Variants in ADAMTSL2 observed in about 807,000 individuals in gnomAD.
ADAMTSL2 encodes the protein ADAMTS like 2.
A neutral mutation model predicts 117.0 loss-of-function variants in ADAMTSL2; 55 were observed. That is an observed-to-expected ratio of 0.47 (90% confidence interval 0.38 to 0.59). The LOEUF (loss-of-function observed/expected upper bound fraction) is 0.59, where lower values mean the gene tolerates loss of function less well. Ranked by LOEUF, ADAMTSL2 falls within the 20% of genes least tolerant of loss-of-function variation. The probability of loss-of-function intolerance (pLI) is 0.00; values close to 1 mark genes in which losing one functional copy is unlikely to be tolerated. For synonymous variants in ADAMTSL2, 572 were observed against 566.4 expected, an observed-to-expected ratio of 1.01 and a Z score of -0.14; for missense variants, 1,182 against 1,354.5, an observed-to-expected ratio of 0.87 and a Z score of 2.00.
chr9:133,556,922 C>A (rs1403361113), intron 11 of ADAMTSL2, among the ~76,000 whole-genome samples: 4 of 152,220 alleles, frequency 2.6e-5, no homozygotes, highest in Non-Finnish European at 5.9e-5. Flanking sequence ...TTTCTCCCAG[C>A]AACTCACATG....
At chr9:133,553,743 G>A (rs930435814) in intron 9 of ADAMTSL2, among the ~76,000 whole-genome samples, 3 of 152,190 alleles carry the variant, frequency 2.0e-5, no homozygotes, top group Non-Finnish European at 4.4e-5. Flanking sequence ...TGGAATCTCT[G>A]GAAAAAGCAA....
intron 17 of ADAMTSL2, among the ~76,000 whole-genome samples, chr9:133,572,172 GCCACCCC>G (rs1330759598): frequency 4.9e-5 from 1 of 20,380 alleles, no homozygotes; most frequent in Non-Finnish European, 1.2e-4. Flanking sequence ...ACCCTGCCCC[GCCACCCC>G]CCACCCCCCA....
At chr9:133,573,441 G>A (rs1831156599) in intron 17 of ADAMTSL2, among the ~76,000 whole-genome samples, 1 of 152,212 alleles carries the variant, frequency 6.6e-6, no homozygotes, top group Non-Finnish European at 1.5e-5. Context: ...GATGGGAGAG[G>A]AGGGACCACC....
chr9:133,560,922 C>T (rs1341597063), intron 11 of ADAMTSL2, among the ~76,000 whole-genome samples: 1 of 152,210 alleles, frequency 6.6e-6, no homozygotes, highest in Non-Finnish European at 1.5e-5. Context: ...GGCCACCCCT[C>T]CCCTCCGGAA....
At chr9:133,564,089 A>G (rs1283866882) in intron 12 of ADAMTSL2, among the ~76,000 whole-genome samples, 2 of 43,128 alleles carry the variant, frequency 4.6e-5, no homozygotes, top group Non-Finnish European at 9.9e-5. Flanking sequence ...AGAGAGAGAG[A>G]GAGGGAGAGA....
chr9:133,559,351 A>ATTTT, intron 11 of ADAMTSL2, among the ~76,000 whole-genome samples: 1 of 91,300 alleles, frequency 1.1e-5, no homozygotes, highest in Non-Finnish European at 2.2e-5. Flanking sequence ...ACCCACCCCC[A>ATTTT]TTTTTTTTTT....
chr9:133,536,257 A>G (rs535993460), intron 1 of ADAMTSL2, among the ~76,000 whole-genome samples: 3 of 152,340 alleles, frequency 2.0e-5, no homozygotes, highest in East Asian at 3.9e-4. Context: ...TAAAATCCCA[A>G]GGTGCTCCTG....
rs1831027749 is a variant in ADAMTSL2, at chr9:133,568,457, C to T, written c.2059C>T (p.Pro687Ser). ...RKTCRNPACG[P>S]QWEMSEWSEC... ...GACCTGCCGGAACCCCGCCTGCGGG[C>T]CCCAGTGGGAGATGTCGGAGTGGTC... The change falls in exon 14 of 19, where the codon CCC becomes TCC. Residue 687 changes from proline to serine, a missense_variant. This residue lies in a region of ADAMTSL2 where 465 missense variants were observed against 565.3 expected (regional missense o/e 0.82). Transcript: ENST00000651351. 2 of 1,607,164 alleles carry T rather than the reference C, an allele frequency of 1.2e-6. No homozygotes were observed. The highest frequency in any genetic ancestry group is 1.7e-5 in the Admixed American group (1 of 59,350).
rs1428332362 is a variant in ADAMTSL2, at chr9:133,554,243, C to T, written c.940-114C>T. ...TAGTCAGTGTCATTCCCTGAGGGGG[C>T]TCAACTGCCAGTCACAGCAGGGAAC... On this transcript the variant is annotated intron_variant, in intron 9 of 18. Transcript: ENST00000651351. This position sits in a 1 kb window ranked among gnomAD's most constrained non-coding sequence, Gnocchi z 5.2. The T allele has an allele frequency of 1.9e-5, 19 of 980,280 alleles. No homozygotes were observed. The highest frequency in any genetic ancestry group is 5.1e-4 in the Middle Eastern group (2 of 3,928). 60.7% of individuals were successfully genotyped at this position (980,280 alleles called of 1,614,324 possible).
In ADAMTSL2 at chr9:133,568,424, G is replaced by A. The variant is rs2131180266; in HGVS notation, c.2026G>A (p.Glu676Lys). 6.2e-7 allele frequency: 1 copy of A among 1,609,238 alleles called. No individual in the cohort carries two copies. Among genetic ancestry groups the A allele is most frequent in the South Asian group, 1.1e-5 (1 of 90,414 alleles). Residue 676 changes from glutamate (E) to lysine (K), a missense_variant, in exon 14 of 19, where the codon GAA becomes AAA. Transcript: ENST00000651351. The stretch of plus-strand genomic sequence containing the variant: ...GGCAGCCGAGGCCGTGCGGCCCGAG[G>A]AACGCAAGACCTGCCGGAACCCCGC... ...CEAAEAVRPE[E>K]RKTCRNPACG...
chr9:133,561,762 AC>A (rs1830734280), intron 12 of ADAMTSL2, among the ~76,000 whole-genome samples: 1 of 151,826 alleles, frequency 6.6e-6, no homozygotes, highest in African/African-American at 2.4e-5. Flanking sequence ...GGGAAAAAAG[AC>A]CCTCCTCGGT....
At chr9:133,538,119 A>G (rs761122291) in intron 3 of ADAMTSL2, among the ~76,000 whole-genome samples, 14 of 152,212 alleles carry the variant, frequency 9.2e-5, no homozygotes, top group Admixed American at 2.0e-4. Context: ...GGTTGTTTCA[A>G]TTCTGTGTAC....
Position 133,567,003 on chromosome 9 carries a change from C to T in ADAMTSL2, c.1815C>T (p.Asp605=), listed in dbSNP as rs369366346. The change falls in exon 13 of 19, where the codon GAC becomes GAT. Residue 605 remains aspartate (D), a synonymous_variant. Transcript: ENST00000651351. ...TCGAGGTGGATGACAGCTACTGTGA[C>T]GCCCTGACCCGTCCCGAGCCTGTCC... The part of the protein sequence containing the change: ...DGVEVDDSYC[D]ALTRPEPVHE... The T allele has an allele frequency of 1.4e-3, 2,207 of 1,611,266 alleles. 25 individuals carry two copies. The African/African-American group carries it at 0.026, about 19-fold the overall frequency.
At position 133,541,121 on chromosome 9, in the gene ADAMTSL2, A is replaced by G; in HGVS notation, c.682+120A>G. 3 of 1,440,174 alleles carry G rather than the reference A, an allele frequency of 2.1e-6. No homozygotes were observed. The Admixed American group carries it at 5.9e-5, about 28-fold the overall frequency. 89.2% of individuals were successfully genotyped at this position (1,440,174 alleles called of 1,614,324 possible). ...GGGCAAGTTCTTCCCCTCTAGGGGC[A>G]CCTGATTCAGCATCCCAGGCCGGGT... On this transcript the variant is annotated intron_variant, in intron 7 of 18. Coordinates refer to ENST00000651351, the MANE Select transcript of ADAMTSL2 (RefSeq NM_014694.4).
At chr9:133,540,470 C>T (rs1830189900) in intron 5 of ADAMTSL2, 128 bp from the exon 6 acceptor site, 1 of 1,316,732 alleles carries the variant, frequency 7.6e-7, no homozygotes, top group South Asian at 1.3e-5. Context: ...CAGGTTCCTT[C>T]TGTTCTCCAG....
Position 133,534,923 on chromosome 9 carries a change from C to A in ADAMTSL2, c.-151+6C>A. 1 of 1,386,896 alleles carries A rather than the reference C, an allele frequency of 7.2e-7. No individual in the cohort carries two copies. Among genetic ancestry groups the A allele is most frequent in the South Asian group, 1.6e-5 (1 of 63,160 alleles). 85.9% of individuals were successfully genotyped at this position (1,386,896 alleles called of 1,614,324 possible). On this transcript the variant is annotated splice_donor_region_variant and intron_variant, in intron 1 of 18. Transcript: ENST00000651351. ...ACCTGCTGACCCGAAGCCAGGTAGG[C>A]CACCTCGTCCCCGTCCCCCTCACGT... is the stretch of plus-strand genomic sequence containing the variant.
At position 133,538,361 on chromosome 9, in the gene ADAMTSL2, C is replaced by T. The variant is rs1182933206; in HGVS notation, c.246C>T (p.Val82=). ...RHCLQQRRKS[V]PGPGNRTCTG... ...ATCTTTCTGCCAGGAGGAAGTCCGTCCCGGGCCCCGGGAACAGGACCTGCA... is the reference window on the plus strand; with the variant it reads ...ATCTTTCTGCCAGGAGGAAGTCCGTTCCGGGCCCCGGGAACAGGACCTGCA... The change falls in exon 4 of 19, where the codon GTC becomes GTT. Residue 82 remains valine, a synonymous_variant. Coordinates refer to ENST00000651351, the MANE Select transcript of ADAMTSL2 (RefSeq NM_014694.4). 2 of 1,613,358 alleles carry T rather than the reference C, an allele frequency of 1.2e-6. No individual in the cohort carries two copies. Among genetic ancestry groups the T allele is most frequent in the South Asian group, 1.1e-5 (1 of 91,076 alleles).
chr9:133,548,134 G>T (rs554635403), intron 9 of ADAMTSL2, among the ~76,000 whole-genome samples: 1 of 152,342 alleles, frequency 6.6e-6, no homozygotes, highest in Non-Finnish European at 1.5e-5. Flanking sequence ...GGGTTTCATT[G>T]CCTCATGTTG....
chr9:133,544,138 G>T (rs1245248754), intron 7 of ADAMTSL2, among the ~76,000 whole-genome samples: 1 of 152,236 alleles, frequency 6.6e-6, no homozygotes, highest in African/African-American at 2.4e-5. Context: ...GCTGCCCAGG[G>T]TCTCCTGGGT....
Sources: allele counts gnomAD v4.1 joint callset (sites outside exome capture counted in the v4.1 genomes callset), GRCh38; gene constraint gnomAD v4.1.1; regional missense constraint gnomAD v4.1.1; non-coding constraint Gnocchi (gnomAD v3.1); transcripts MANE v1.5; gene names NCBI Gene and HGNC (gene_info 2026-07-23, HGNC 2026-07-21).